Variants in ARL13B observed in about 807,000 individuals in gnomAD.
ARL13B encodes ARF like GTPase 13B.
Under a neutral mutation model 56.1 loss-of-function variants are expected in ARL13B, and 36 were observed. The observed-to-expected ratio is 0.64, with a 90% confidence interval of 0.49 to 0.85. The LOEUF (loss-of-function observed/expected upper bound fraction) is 0.85, where lower values mean the gene tolerates loss of function less well. Among genes scored for constraint, ARL13B ranks in the 40% least tolerant of loss-of-function variants. The pLI is 0.00. For missense variants in ARL13B, 519 were observed against 507.1 expected (o/e 1.02, Z -0.23); for synonymous variants, 178 against 171.1 (o/e 1.04, Z -0.32).
Position 94,050,891 on chromosome 3 carries a change from T to TG in ARL13B, c.1210+1dup, listed in dbSNP as rs773611941. The TG allele has an allele frequency of 5.0e-6, 8 of 1,612,720 alleles. No homozygotes were observed. In the East Asian group the frequency reaches 1.8e-4, roughly 36 times the overall value. On this transcript the variant is annotated frameshift_variant and splice_region_variant, in exon 9 of 10. Transcript: ENST00000394222. LOFTEE classifies it high-confidence loss of function. ...AGCCTCTTGGTGAAACACATCATAATGGTAATGCAAAAGGATTGGTTTTCA... is the reference window on the plus strand; with the variant it reads ...AGCCTCTTGGTGAAACACATCATAATGGGTAATGCAAAAGGATTGGTTTTCA...
intron 3 of ARL13B, chr3:94,014,417 A>G: frequency 6.4e-7 from 1 of 1,563,496 alleles, no homozygotes; most frequent in Non-Finnish European, 8.6e-7. Flanking sequence ...CAGCACCAAC[A>G]ACACAGTACT....
At chr3:94,039,854 T>C in intron 5 of ARL13B, 26 bp from the exon 6 acceptor site, 2 of 1,603,632 alleles carry the variant, frequency 1.2e-6, no homozygotes, top group Non-Finnish European at 1.7e-6. Context: ...CAAAGGAAAT[T>C]TCAATTATTT....
intron 3 of ARL13B, among the ~76,000 whole-genome samples, chr3:94,013,672 ATGG>A (rs2076266854): frequency 6.6e-6 from 1 of 152,212 alleles, no homozygotes; most frequent in African/African-American, 2.4e-5. Flanking sequence ...AGGGCTGGGC[ATGG>A]TGGCTCACAC....
At chr3:94,017,342 A>G (rs1172177917) in intron 3 of ARL13B, among the ~76,000 whole-genome samples, 12 of 152,208 alleles carry the variant, frequency 7.9e-5, no homozygotes, top group South Asian at 2.1e-4. Flanking sequence ...GATTCAATAT[A>G]AAGAAGACTT....
intron 3 of ARL13B, among the ~76,000 whole-genome samples, chr3:94,025,925 G>A (rs1364645235): frequency 6.6e-6 from 1 of 152,016 alleles, no homozygotes; most frequent in African/African-American, 2.4e-5. Context: ...TCAGCTTTAA[G>A]GTAAAGTATT....
Position 94,053,911 on chromosome 3 carries a change from C to G in ARL13B, c.*648C>G, listed in dbSNP as rs1162471003. ...CTTTAAGTGTACATCGTAATTTGAC[C>G]TAATTTAAAAATAATATATTTTCGA... is the stretch of plus-strand genomic sequence containing the variant. On this transcript the variant is annotated 3_prime_UTR_variant, in exon 10 of 10. Coordinates refer to ENST00000394222, the MANE Select transcript of ARL13B (RefSeq NM_001174150.2). The G allele has an allele frequency of 1.3e-5, 4 of 313,142 alleles. No individual in the cohort carries two copies. Among genetic ancestry groups the G allele is most frequent in the African/African-American group, 8.8e-5 (4 of 45,616 alleles). 19.4% of individuals were successfully genotyped at this position (313,142 alleles called of 1,614,324 possible). A position where few individuals can be genotyped will look rare whatever the true frequency, so the allele number is the denominator to read the frequency against.
chr3:93,987,640 A>G (rs1226385083), intron 1 of ARL13B, among the ~76,000 whole-genome samples: 1 of 151,954 alleles, frequency 6.6e-6, no homozygotes, highest in African/African-American at 2.4e-5. Flanking sequence ...CCAAAAATCT[A>G]GAAAACCTCT....
In ARL13B at chr3:94,029,346, TTTA is replaced by T. The variant is rs1559997884; in HGVS notation, c.381-5982_381-5980del. Among the ~76,000 whole-genome samples the T allele has an allele frequency of 7.7e-3, 806 of 104,940 alleles. 25 individuals are homozygous for T. The highest frequency in any genetic ancestry group is 0.033 in the African/African-American group (671 of 20,122). The allele number at this position is 104,940 out of a possible 152,430, so 68.8% of individuals were successfully genotyped here. A position where few individuals can be genotyped will look rare whatever the true frequency, so the allele number is the denominator to read the frequency against. On this transcript the variant is annotated intron_variant, in intron 3 of 9. Coordinates refer to ENST00000394222, the MANE Select transcript of ARL13B (RefSeq NM_001174150.2). ...TATATATATATATATTTATTTTTTT[TTTA>T]TTTTTTTTTTTTTTTGAGAAGGAGT...
intron 7 of ARL13B, among the ~76,000 whole-genome samples, chr3:94,044,372 C>G (rs1247650903): frequency 6.8e-6 from 1 of 147,632 alleles, no homozygotes; most frequent in African/African-American, 2.5e-5. Context: ...AGGAGCGTCT[C>G]TGCCCAGCCG....
chr3:94,021,940 T>C (rs1051335328), intron 3 of ARL13B, among the ~76,000 whole-genome samples: 8 of 152,134 alleles, frequency 5.3e-5, no homozygotes, highest in Non-Finnish European at 1.0e-4. Flanking sequence ...AGTCAAGTCA[T>C]GTCAAGGCTT....
chr3:94,044,774 G>T (rs1163616602), intron 7 of ARL13B, among the ~76,000 whole-genome samples: 3 of 147,266 alleles, frequency 2.0e-5, no homozygotes, highest in Admixed American at 6.8e-5. Flanking sequence ...CGCCCCGAAT[G>T]GGAAGTGAGG....
chr3:94,032,041 A>AAGCAAC lies in ARL13B; in HGVS notation c.381-3288_381-3283dup, dbSNP rs1188907842. 2.0e-5 allele frequency among the ~76,000 whole-genome samples: 3 copies of AAGCAAC among 152,210 alleles called. No individual in the cohort carries two copies. In the East Asian group the frequency reaches 5.8e-4, roughly 29 times the overall value. ...TTCATGACTAAGACCTCAAAAGCAA[A>AAGCAAC]AGCAACAAAACCAGAAATAGACAAA... On this transcript the variant is annotated intron_variant, in intron 3 of 9. Transcript: ENST00000394222.
At position 94,047,918 on chromosome 3, in the gene ARL13B, T is replaced by C. The variant is rs1364882287; in HGVS notation, c.1025-1488T>C. On this transcript the variant is annotated intron_variant, in intron 7 of 9. Transcript: ENST00000394222. ...AATTTGTTTCTAAGTGTGATTGTATTTTTTATTGCTTTTTAGGCTTCACAG... is the reference window on the plus strand; with the variant it reads ...AATTTGTTTCTAAGTGTGATTGTATCTTTTATTGCTTTTTAGGCTTCACAG... 20 of 152,170 alleles carry C rather than the reference T, an allele frequency of 1.3e-4. 1 individual carries two copies. The highest frequency in any genetic ancestry group is 1.3e-3 in the Admixed American group (20 of 15,266). 9.4% of individuals were successfully genotyped at this position (152,170 alleles called of 1,614,324 possible). A position where few individuals can be genotyped will look rare whatever the true frequency, so the allele number is the denominator to read the frequency against.
At chr3:93,983,806 G>A (rs141336982) in intron 1 of ARL13B, among the ~76,000 whole-genome samples, 164 of 152,162 alleles carry the variant, frequency 1.1e-3, no homozygotes, top group Non-Finnish European at 1.9e-3. Context: ...GAAATTTTAA[G>A]TGTTTGTCGT....
intron 3 of ARL13B, among the ~76,000 whole-genome samples, chr3:94,033,231 G>C (rs1413206501): frequency 6.6e-6 from 1 of 152,078 alleles, no homozygotes; most frequent in Non-Finnish European, 1.5e-5. Context: ...AGGGTGGAAG[G>C]GGAGTTAGAG....
Position 94,044,875 on chromosome 3 carries a change from C to T in ARL13B, c.1024+1635C>T, listed in dbSNP as rs376110314. On this transcript the variant is annotated intron_variant, in intron 7 of 9. Transcript: ENST00000394222. ...GAAGTGAGGAGCGTCTCTGCCTGCC[C>T]GCCCCTCGTCGGGGAGGTGAGGAGC... 1.6e-4 allele frequency among the ~76,000 whole-genome samples: 23 copies of T among 146,088 alleles called. No individual in the cohort carries two copies. The South Asian group carries it at 1.6e-3, about 10-fold the overall frequency.
chr3:94,019,852 T>A (rs1403668232), intron 3 of ARL13B, among the ~76,000 whole-genome samples: 5 of 152,220 alleles, frequency 3.3e-5, no homozygotes, highest in Admixed American at 2.6e-4. Context: ...GCCTTGGCAC[T>A]TGCCTTCTCT....
chr3:94,030,051 A>G (rs930348529), intron 3 of ARL13B, among the ~76,000 whole-genome samples: 7 of 152,058 alleles, frequency 4.6e-5, no homozygotes, highest in African/African-American at 1.4e-4. Flanking sequence ...TTGAAATACC[A>G]TTTTCTCCAT....
chr3:94,034,933 G>C (rs900389324), intron 3 of ARL13B, among the ~76,000 whole-genome samples: 1 of 152,058 alleles, frequency 6.6e-6, no homozygotes, highest in Non-Finnish European at 1.5e-5. Flanking sequence ...TTTAAAACTT[G>C]GGAATCAAAG....
Sources: gnomAD v4.1 joint callset for allele counts (sites outside exome capture counted in the v4.1 genomes callset) on GRCh38, gnomAD v4.1.1 for gene constraint, MANE v1.5 for transcripts, NCBI Gene and HGNC (gene_info 2026-07-23, HGNC 2026-07-21) for gene names.